BCL3: variants seen among roughly 807,000 people sequenced by gnomAD.
BCL3 encodes B-cell lymphoma 3 protein.
In BCL3, 15 loss-of-function variants were observed where a neutral mutation model predicts 35.7. That is an observed-to-expected ratio of 0.42 (90% confidence interval 0.28 to 0.65). The LOEUF is 0.65. BCL3 is among the 30% of genes least tolerant of loss of function. BCL3 has a pLI of 0.22. For synonymous variants in BCL3, 311 were observed against 284.3 expected, an observed-to-expected ratio of 1.09 and a Z score of -0.95; for missense variants, 565 against 641.7, an observed-to-expected ratio of 0.88 and a Z score of 1.29.
intron 2 of BCL3, chr19:44,755,499 T>G (rs1967262481): frequency 6.6e-6 from 1 of 152,310 alleles, no homozygotes; most frequent in Non-Finnish European, 1.5e-5. Context: ...GTCTGAAAGC[T>G]GACAATCTTC....
chr19:44,758,583 G>A, intron 7 of BCL3, 141 bp from the exon 8 acceptor site: 1 of 1,259,774 alleles, frequency 7.9e-7, no homozygotes, highest in Non-Finnish European at 1.1e-6. Flanking sequence ...GGAGAGACTG[G>A]CACCAAGAAA....
intron 8 of BCL3, 136 bp downstream of exon 8, chr19:44,758,977 C>G: frequency 1.4e-6 from 1 of 735,966 alleles, no homozygotes; most frequent in African/African-American, 1.8e-5. Flanking sequence ...AATCCCAACC[C>G]ATAGCCCCTC....
intron 1 of BCL3, among the ~76,000 whole-genome samples, chr19:44,749,284 TG>T (rs34390099): frequency 0.25 from 25,504 of 103,472 alleles, 2,662 homozygotes; most frequent in African/African-American, 0.32. Flanking sequence ...CTGAGTGACG[TG>T]GGGGGGGGGG....
chr19:44,756,777 G>A (rs933739227), intron 3 of BCL3, among the ~76,000 whole-genome samples: 8 of 151,396 alleles, frequency 5.3e-5, no homozygotes, highest in Non-Finnish European at 1.0e-4. Context: ...AGTGAGGAGG[G>A]AGGGGGCTGG....
In BCL3 at chr19:44,759,622, TG is replaced by T. The variant is rs746428325; in HGVS notation, c.*14del. ...AGCTCCAGGAGGCAGCTGAGGGGGATGGGGGGGCAGATCTTGGACTCATGAG... is the reference window on the plus strand; with the variant it reads ...AGCTCCAGGAGGCAGCTGAGGGGGATGGGGGGCAGATCTTGGACTCATGAG... On this transcript the variant is annotated 3_prime_UTR_variant, in exon 9 of 9. Coordinates refer to ENST00000164227, the MANE Select transcript of BCL3 (RefSeq NM_005178.5). The T allele has an allele frequency of 6.3e-5, 101 of 1,596,232 alleles. No homozygotes were observed. The highest frequency in any genetic ancestry group is 7.5e-5 in the Non-Finnish European group (88 of 1,175,508).
At chr19:44,759,279 C>G (rs550447831) in intron 8 of BCL3, 149 bp from the exon 9 acceptor site, 92 of 632,088 alleles carry the variant, frequency 1.5e-4, no homozygotes, top group South Asian at 1.3e-3. Flanking sequence ...TCCTCAGACC[C>G]GGGAGTTTAA....
At chr19:44,755,065 A>G (rs879908210) in intron 2 of BCL3, 1 of 152,392 alleles carries the variant, frequency 6.6e-6, no homozygotes, top group Non-Finnish European at 1.5e-5. Flanking sequence ...CCTGCCACCC[A>G]CTGTGTACAC....
chr19:44,749,180 G>T, intron 1 of BCL3, 134 bp downstream of exon 1: 1 of 355,798 alleles, frequency 2.8e-6, no homozygotes, highest in Non-Finnish European at 4.6e-6. Flanking sequence ...ATAAGCCCAG[G>T]TTCCAAGGAT....
chr19:44,758,409 G>A lies in BCL3; in HGVS notation c.1055G>A (p.Arg352His), dbSNP rs143644908. The change falls in exon 7 of 9, where the codon CGC (arginine) becomes CAC (histidine). Residue 352 changes from arginine (R) to histidine (H), a missense_variant. Arg to His is a conservative substitution (Grantham distance 29). This residue lies in a region of BCL3 where 151 missense variants were observed against 138.1 expected (regional missense o/e 1.09). Transcript: ENST00000164227. ...NDTPLMVARS[R>H]RVIDILRGKA... Reference sequence around the variant, plus strand: ...ACGCCGCTCATGGTGGCGCGCAGCCGCAGGGTGAGCCGGGGCAGCTGTGGA... The same window carrying A: ...ACGCCGCTCATGGTGGCGCGCAGCCACAGGGTGAGCCGGGGCAGCTGTGGA... 57 of 1,543,174 alleles carry A rather than the reference G, an allele frequency of 3.7e-5. 2 individuals are homozygous for A. The South Asian group carries it at 6.2e-4, about 17-fold the overall frequency.
intron 3 of BCL3, 24 bp from the exon 4 acceptor site, chr19:44,756,993 T>C (rs1263824779): frequency 8.2e-6 from 13 of 1,576,614 alleles, no homozygotes; most frequent in Non-Finnish European, 1.1e-5. Context: ...TGGACACAGG[T>C]CCCTCACAGT....
chr19:44,753,456 C>T (rs1384524135), intron 2 of BCL3, among the ~76,000 whole-genome samples: 1 of 152,216 alleles, frequency 6.6e-6, no homozygotes, highest in Non-Finnish European at 1.5e-5. Context: ...GGGGGAAATC[C>T]CTTCCCGCAG....
intron 2 of BCL3, among the ~76,000 whole-genome samples, chr19:44,754,523 G>C (rs1568544481): frequency 6.6e-6 from 1 of 152,194 alleles, no homozygotes; most frequent in Non-Finnish European, 1.5e-5. Flanking sequence ...AAGTCCGAGG[G>C]CTGGGTCGCC....
rs773229337 is a variant in BCL3, at chr19:44,759,582, G to A, written c.1332G>A (p.Pro444=). 21 of 1,608,188 alleles carry A rather than the reference G, an allele frequency of 1.3e-5. No individual in the cohort carries two copies. The highest frequency in any genetic ancestry group is 1.1e-5 in the Non-Finnish European group (13 of 1,178,784). ...FAGVLRGPGR[P]VPPSPAPGGS Reference sequence around the variant, plus strand: ...GGGTCCTCCGAGGCCCTGGCCGGCCGGTGCCCCCCTCCCCAGCTCCAGGAG... The same window carrying A: ...GGGTCCTCCGAGGCCCTGGCCGGCCAGTGCCCCCCTCCCCAGCTCCAGGAG... Residue 444 remains proline (P), a synonymous_variant, in exon 9 of 9, where the codon CCG becomes CCA. Transcript: ENST00000164227.
In BCL3 at chr19:44,757,029, C is replaced by T. The variant is rs565238653; in HGVS notation, c.532C>T (p.Leu178=). The change falls in exon 4 of 9, where the codon CTG becomes TTG. Residue 178 remains leucine (L), a synonymous_variant. Transcript: ENST00000164227. The surrounding 1 kb of genome is among the most constrained non-coding windows in gnomAD (Gnocchi z 8.4). ...CACTGTTCCCCAGACACCGCTCCAC[C>T]TGGCTGTGATCACCACATTACCGTC... ...YNNLRQTPLH[L]AVITTLPSVV... The T allele has an allele frequency of 6.2e-7, 1 of 1,606,260 alleles. No individual in the cohort carries two copies. The highest frequency in any genetic ancestry group is 1.3e-5 in the African/African-American group (1 of 74,834).
chr19:44,759,707 GCC>G lies in BCL3; in HGVS notation c.*103_*104del, dbSNP rs67149311. On this transcript the variant is annotated 3_prime_UTR_variant, in exon 9 of 9. Transcript: ENST00000164227. ...CTGGAAACTGTGAAGATCTCACTCTGCCCCCCCCCCCCATCTTCGGGACCAGG... is the reference window on the plus strand; with the variant it reads ...CTGGAAACTGTGAAGATCTCACTCTGCCCCCCCCCCATCTTCGGGACCAGG... 4.0e-3 allele frequency: 2,149 copies of G among 538,024 alleles called. 12 individuals carry two copies. Among genetic ancestry groups the G allele is most frequent in the African/African-American group, 0.018 (805 of 43,616 alleles). The allele number at this position is 538,024 out of a possible 1,614,324, so 33.3% of individuals were successfully genotyped here. A position where few individuals can be genotyped will look rare whatever the true frequency, so the allele number is the denominator to read the frequency against.
At chr19:44,752,222 A>T (rs538263719) in intron 2 of BCL3, among the ~76,000 whole-genome samples, 14 of 146,160 alleles carry the variant, frequency 9.6e-5, no homozygotes, top group Non-Finnish European at 1.6e-4. Context: ...TTTTTCTGAG[A>T]CAGGGTCTCG....
chr19:44,748,142 G>A (rs1023322404), upstream of BCL3: 5 of 1,267,094 alleles, frequency 3.9e-6, no homozygotes, highest in Non-Finnish European at 5.2e-6. Flanking sequence ...AGTGGGAACC[G>A]AGATTCCAAA....
At chr19:44,758,188 T>C in intron 6 of BCL3, 58 bp from the exon 7 acceptor site, 1 of 1,412,270 alleles carries the variant, frequency 7.1e-7, no homozygotes, top group South Asian at 1.6e-5. Flanking sequence ...CTCCAGCCTC[T>C]GTTCCCTTAC....
intron 3 of BCL3, among the ~76,000 whole-genome samples, chr19:44,756,775 G>A (rs2122301526): frequency 6.6e-6 from 1 of 151,058 alleles, no homozygotes; most frequent in African/African-American, 2.5e-5. Flanking sequence ...CTAGTGAGGA[G>A]GGAGGGGGCT....
Sources: allele counts gnomAD v4.1 joint callset (sites outside exome capture counted in the v4.1 genomes callset), GRCh38; gene constraint gnomAD v4.1.1; regional missense constraint gnomAD v4.1.1; non-coding constraint Gnocchi (gnomAD v3.1); transcripts MANE v1.5; gene names NCBI Gene and HGNC (gene_info 2026-07-23, HGNC 2026-07-21).